The following PDGFD variants were observed in gnomAD, a reference collection of about 807,000 sequenced individuals.
PDGFD encodes the protein platelet-derived growth factor D.
PDGFD carries 30 observed loss-of-function variants against 44.7 expected under a neutral mutation model. That is an observed-to-expected ratio of 0.67 (90% confidence interval 0.50 to 0.91). The LOEUF (loss-of-function observed/expected upper bound fraction) is 0.91, where lower values mean the gene tolerates loss of function less well. Ranked by LOEUF, PDGFD falls within the 40% of genes least tolerant of loss-of-function variation. PDGFD has a pLI of 0.00. For synonymous variants in PDGFD, 173 were observed against 168.4 expected (o/e 1.03, Z -0.21); for missense variants, 445 against 457.8 (o/e 0.97, Z 0.25).
At chr11:103,919,496 T>C (rs1858175521) in intron 6 of PDGFD, among the ~76,000 whole-genome samples, 1 of 146,040 alleles carries the variant, frequency 6.8e-6, no homozygotes, top group Non-Finnish European at 1.5e-5. Context: ...GAGTTTAAGA[T>C]TCTTCCTTTT....
chr11:103,971,362 C>T (rs1020200655), intron 3 of PDGFD, among the ~76,000 whole-genome samples: 7 of 152,110 alleles, frequency 4.6e-5, no homozygotes, highest in African/African-American at 1.7e-4. Context: ...GATGAGTGAA[C>T]AGAAACTTTC....
intron 1 of PDGFD, among the ~76,000 whole-genome samples, chr11:104,143,235 C>A (rs1165520460): frequency 6.6e-6 from 1 of 152,128 alleles, no homozygotes; most frequent in Non-Finnish European, 1.5e-5. Flanking sequence ...ATAAGGAAGA[C>A]CTCTCTATAA....
intron 1 of PDGFD, among the ~76,000 whole-genome samples, chr11:104,122,411 G>A (rs375949041): frequency 6.6e-6 from 1 of 151,952 alleles, no homozygotes; most frequent in Non-Finnish European, 1.5e-5. Context: ...TGCAACTTAT[G>A]CAAATGGCAC....
intron 3 of PDGFD, among the ~76,000 whole-genome samples, chr11:103,991,537 A>G (rs1195802517): frequency 6.6e-6 from 1 of 152,220 alleles, no homozygotes; most frequent in Non-Finnish European, 1.5e-5. Context: ...GCAAATTTCA[A>G]TGTATAAAAT....
chr11:104,156,888 T>G (rs986819980), intron 1 of PDGFD, among the ~76,000 whole-genome samples: 1 of 152,242 alleles, frequency 6.6e-6, no homozygotes, highest in Non-Finnish European at 1.5e-5. Context: ...TCTGAAATAC[T>G]GTATGAGGAG....
At chr11:104,052,062 G>A (rs1860547990) in intron 1 of PDGFD, among the ~76,000 whole-genome samples, 1 of 152,050 alleles carries the variant, frequency 6.6e-6, no homozygotes, top group Non-Finnish European at 1.5e-5. Context: ...TCTGTGTTTT[G>A]TCTCTGTAGA....
At chr11:104,030,262 T>C (rs1404823503) in intron 1 of PDGFD, among the ~76,000 whole-genome samples, 1 of 152,224 alleles carries the variant, frequency 6.6e-6, no homozygotes, top group Non-Finnish European at 1.5e-5. Flanking sequence ...TCAACCTGTA[T>C]ATACATTCAC....
Position 104,102,907 on chromosome 11 carries a change from A to G in PDGFD, c.124+60897T>C, listed in dbSNP as rs368413491. 1.3e-3 allele frequency among the ~76,000 whole-genome samples: 202 copies of G among 152,258 alleles called. 6 individuals carry two copies. The South Asian group carries it at 0.037, about 28-fold the overall frequency. On this transcript the variant is annotated intron_variant, in intron 1 of 6. Transcript: ENST00000393158. ...AACACATGGACACAGGAAGGGGAAC[A>G]TCACACACTAGGGCCTGTTGTGGGC...
intron 3 of PDGFD, among the ~76,000 whole-genome samples, chr11:103,967,540 T>A (rs1251792909): frequency 1.3e-5 from 2 of 152,140 alleles, no homozygotes; most frequent in African/African-American, 2.4e-5. Flanking sequence ...CCCCTCTATA[T>A]TCCCACAAGT....
chr11:103,923,071 C>G (rs1371318175), intron 6 of PDGFD, among the ~76,000 whole-genome samples: 1 of 152,168 alleles, frequency 6.6e-6, no homozygotes, highest in Non-Finnish European at 1.5e-5. Context: ...TCTTCCTTAC[C>G]AAGGCCTCTG....
At chr11:104,034,801 C>T (rs867032214) in intron 1 of PDGFD, among the ~76,000 whole-genome samples, 2 of 152,038 alleles carry the variant, frequency 1.3e-5, no homozygotes, top group Non-Finnish European at 2.9e-5. Context: ...CACCACAACG[C>T]CTGGCTAATT....
chr11:104,015,859 T>G (rs968373873), intron 1 of PDGFD, among the ~76,000 whole-genome samples: 1 of 152,228 alleles, frequency 6.6e-6, no homozygotes, highest in Non-Finnish European at 1.5e-5. Context: ...AGTCCCTTCA[T>G]GCATATAAAG....
intron 1 of PDGFD, among the ~76,000 whole-genome samples, chr11:104,078,587 A>G (rs1198008732): frequency 2.0e-5 from 1 of 49,842 alleles, no homozygotes; most frequent in Non-Finnish European, 3.3e-5. Flanking sequence ...CGGATAATTT[A>G]TTATGTGTTT....
intron 1 of PDGFD, among the ~76,000 whole-genome samples, chr11:104,137,016 G>C (rs1862015969): frequency 6.6e-6 from 1 of 151,942 alleles, no homozygotes; most frequent in Admixed American, 6.6e-5. Flanking sequence ...TGGCTTATCA[G>C]TGACTGTGCT....
rs148739844 is a variant in PDGFD, at chr11:104,128,875, T to A, written c.124+34929A>T. ...AAATGGCAGTGATTGTTATTTTTGCTGTTACCATTATTATTGCTGCTCATA... is the reference window on the plus strand; with the variant it reads ...AAATGGCAGTGATTGTTATTTTTGCAGTTACCATTATTATTGCTGCTCATA... On this transcript the variant is annotated intron_variant, in intron 1 of 6. Coordinates refer to ENST00000393158, the MANE Select transcript of PDGFD (RefSeq NM_025208.5). Among the ~76,000 whole-genome samples, 466 of 152,298 alleles carry A rather than the reference T, an allele frequency of 3.1e-3. 4 individuals carry two copies. The highest frequency in any genetic ancestry group is 0.01 in the African/African-American group (432 of 41,564).
At chr11:104,027,340 C>A (rs1860056970) in intron 1 of PDGFD, among the ~76,000 whole-genome samples, 1 of 152,202 alleles carries the variant, frequency 6.6e-6, no homozygotes, top group African/African-American at 2.4e-5. Context: ...TGTTATTTAG[C>A]ATTTATAAAT....
intron 1 of PDGFD, among the ~76,000 whole-genome samples, chr11:104,018,676 T>C (rs1859900027): frequency 6.6e-6 from 1 of 152,170 alleles, no homozygotes; most frequent in Non-Finnish European, 1.5e-5. Context: ...CCAGCAAGGT[T>C]TGCACCAGTC....
At chr11:104,104,990 G>T (rs1475386843) in intron 1 of PDGFD, among the ~76,000 whole-genome samples, 1 of 152,116 alleles carries the variant, frequency 6.6e-6, no homozygotes, top group Non-Finnish European at 1.5e-5. Context: ...ATGTATACCA[G>T]CATCATAAAA....
chr11:104,032,643 G>A (rs1860146753), intron 1 of PDGFD, among the ~76,000 whole-genome samples: 1 of 149,072 alleles, frequency 6.7e-6, no homozygotes, highest in Non-Finnish European at 1.5e-5. Flanking sequence ...CAGTTATGTG[G>A]ATTTTTTTCT....
Sources: allele counts gnomAD v4.1 joint callset (sites outside exome capture counted in the v4.1 genomes callset), GRCh38; gene constraint gnomAD v4.1.1; transcripts MANE v1.5; gene names NCBI Gene and HGNC (gene_info 2026-07-23, HGNC 2026-07-21).